Variants in MALRD1 observed in about 807,000 individuals in gnomAD.
MALRD1 encodes MAM and LDL receptor class A domain containing 1.
In MALRD1, 247 loss-of-function variants were observed where a neutral mutation model predicts 242.1. That is an observed-to-expected ratio of 1.02 (90% CI 0.92 to 1.13). MALRD1 has a LOEUF of 1.13. MALRD1 is among the 50% of genes most tolerant of loss of function. The probability of loss-of-function intolerance (pLI) is 0.00; values close to 1 mark genes in which losing one functional copy is unlikely to be tolerated. For missense variants in MALRD1, 2,989 were observed against 2,533.1 expected, an observed-to-expected ratio of 1.18 and a Z score of -3.86; for synonymous variants, 995 against 866.6, an observed-to-expected ratio of 1.15 and a Z score of -2.60.
intron 16 of MALRD1, 29 bp downstream of exon 16, chr10:19,204,442 A>G: frequency 7.0e-7 from 1 of 1,438,128 alleles, no homozygotes; most frequent in East Asian, 2.5e-5. Context: ...TTTAAACAAT[A>G]TTAAACAGTT....
At chr10:19,547,860 G>A (rs577322115) in intron 32 of MALRD1, among the ~76,000 whole-genome samples, 82 of 89,948 alleles carry the variant, frequency 9.1e-4, no homozygotes, top group African/African-American at 2.7e-3. Flanking sequence ...ACAAATTGAA[G>A]GTTTGTAACA....
At chr10:19,312,406 A>G (rs199707632) in intron 21 of MALRD1, among the ~76,000 whole-genome samples, 10 of 130,630 alleles carry the variant, frequency 7.7e-5, no homozygotes, top group African/African-American at 2.6e-4. Flanking sequence ...ATATATGTGT[A>G]TATGTGTGTG....
At chr10:19,506,039 T>A (rs1434508869) in intron 31 of MALRD1, among the ~76,000 whole-genome samples, 1 of 152,190 alleles carries the variant, frequency 6.6e-6, no homozygotes, top group Non-Finnish European at 1.5e-5. Context: ...TTTTTAAGAA[T>A]TCTGCGTGGG....
At position 19,457,224 on chromosome 10, in the gene MALRD1, A is replaced by G. The variant is rs552037898; in HGVS notation, c.5029+6734A>G. ...GCCATATGTAGCCATAACATCATAG[A>G]ATACTACTAAAACAGTGATAAACAA... On this transcript the variant is annotated intron_variant, in intron 29 of 39. Transcript: ENST00000454679. Among the ~76,000 whole-genome samples, 27 of 152,272 alleles carry G rather than the reference A, an allele frequency of 1.8e-4. No individual in the cohort carries two copies. The South Asian group carries it at 5.0e-3, about 28-fold the overall frequency.
Position 19,204,994 on chromosome 10 carries a change from T to A in MALRD1, c.2307T>A (p.Asn769Lys). ...DSTVIWRVLYNQGKQWLEATI... is the reference protein window; with the variant it reads ...DSTVIWRVLYKQGKQWLEATI... ...CAGTGATTTGGAGAGTATTATACAATCAGGGCAAACAATGGTTGGAGGCAA... is the reference window on the plus strand; with the variant it reads ...CAGTGATTTGGAGAGTATTATACAAACAGGGCAAACAATGGTTGGAGGCAA... The change falls in exon 17 of 40, where the codon AAT becomes AAA. Residue 769 changes from asparagine (N) to lysine (K), a missense_variant. By Grantham distance (94) the Asn-to-Lys change is moderately conservative. Coordinates refer to ENST00000454679, the MANE Select transcript of MALRD1 (RefSeq NM_001142308.3). 2 of 1,550,832 alleles carry A rather than the reference T, an allele frequency of 1.3e-6. No individual in the cohort carries two copies. Among genetic ancestry groups the A allele is most frequent in the African/African-American group, 1.4e-5 (1 of 73,152 alleles).
At chr10:19,539,855 TGC>T (rs200508029) in intron 32 of MALRD1, among the ~76,000 whole-genome samples, 6,851 of 87,324 alleles carry the variant, frequency 0.078, 297 homozygotes, top group East Asian at 0.11. Context: ...CCCAGCTTTG[TGC>T]GTGTGTGTGT....
At chr10:19,338,872 TACAC>T (rs149133712) in intron 24 of MALRD1, among the ~76,000 whole-genome samples, 8 of 149,276 alleles carry the variant, frequency 5.4e-5, no homozygotes, top group East Asian at 1.9e-4. Flanking sequence ...TATATATATA[TACAC>T]ACACACACGC....
chr10:19,394,316 C>G (rs932760168), intron 28 of MALRD1, among the ~76,000 whole-genome samples: 22 of 152,114 alleles, frequency 1.4e-4, no homozygotes, highest in African/African-American at 5.3e-4. Flanking sequence ...TGCCTCAGCT[C>G]ACATGGTATT....
chr10:19,205,303 T>G, intron 17 of MALRD1, 38 bp downstream of exon 17: 1 of 1,498,892 alleles, frequency 6.7e-7, no homozygotes. Flanking sequence ...CTTTCTCATT[T>G]TGAAAGTGTT....
At chr10:19,658,960 A>G (rs1841296119) in intron 36 of MALRD1, among the ~76,000 whole-genome samples, 1 of 152,244 alleles carries the variant, frequency 6.6e-6, no homozygotes, top group African/African-American at 2.4e-5. Context: ...TTTACTTTGG[A>G]AAACAAATGG....
rs12262909 is a variant in MALRD1, at chr10:19,146,440, A to G, written c.1558+96A>G. On this transcript the variant is annotated intron_variant, in intron 11 of 39. Coordinates refer to ENST00000454679, the MANE Select transcript of MALRD1 (RefSeq NM_001142308.3). ...TTTTCATTTCTATTCTGTAGACTGT[A>G]TACATGGAACTCTGGTTTGTCTTGC... 2,171 of 1,068,030 alleles carry G rather than the reference A, an allele frequency of 2.0e-3. 38 individuals carry two copies. The African/African-American group carries it at 0.031, about 15-fold the overall frequency. The allele number at this position is 1,068,030 out of a possible 1,614,324, so 66.2% of individuals were successfully genotyped here.
chr10:19,381,016 G>A (rs887393717), intron 26 of MALRD1, among the ~76,000 whole-genome samples: 57 of 147,966 alleles, frequency 3.9e-4, no homozygotes, highest in African/African-American at 1.4e-3. Flanking sequence ...CCACTAAATC[G>A]TCATCTAGCA....
intron 31 of MALRD1, among the ~76,000 whole-genome samples, chr10:19,509,217 G>C (rs987780259): frequency 1.3e-5 from 2 of 152,138 alleles, no homozygotes; most frequent in African/African-American, 4.8e-5. Flanking sequence ...GCAATACTCA[G>C]AACCAAAAGT....
At chr10:19,447,446 AT>A (rs988458917) in intron 28 of MALRD1, among the ~76,000 whole-genome samples, 41 of 150,880 alleles carry the variant, frequency 2.7e-4, no homozygotes, top group African/African-American at 7.3e-4. Flanking sequence ...TAATTTACCC[AT>A]TTTTTTTTCT....
At chr10:19,696,537 T>C (rs937140067) in intron 38 of MALRD1, among the ~76,000 whole-genome samples, 3 of 152,114 alleles carry the variant, frequency 2.0e-5, no homozygotes, top group African/African-American at 7.2e-5. Context: ...ACAGCTATCT[T>C]GATAACAGCA....
intron 28 of MALRD1, among the ~76,000 whole-genome samples, chr10:19,398,404 C>A (rs896599758): frequency 6.6e-6 from 1 of 151,992 alleles, no homozygotes. Context: ...ATATGTTAAA[C>A]AAGAAGACTT....
At chr10:19,504,567 A>T (rs1438063372) in intron 31 of MALRD1, among the ~76,000 whole-genome samples, 3 of 152,002 alleles carry the variant, frequency 2.0e-5, no homozygotes, top group African/African-American at 7.3e-5. Context: ...ATATGCACTC[A>T]AACATACACA....
chr10:19,300,086 G>A (rs1841878376), intron 21 of MALRD1, among the ~76,000 whole-genome samples: 1 of 151,902 alleles, frequency 6.6e-6, no homozygotes, highest in South Asian at 2.1e-4. Context: ...CATCCAAGCT[G>A]AGAGTCAAAT....
At chr10:19,602,482 G>A (rs1282261471) in intron 34 of MALRD1, among the ~76,000 whole-genome samples, 1 of 151,486 alleles carries the variant, frequency 6.6e-6, no homozygotes, top group African/African-American at 2.4e-5. Flanking sequence ...TGCTGAGAAT[G>A]ATGATTTCCA....
Sources: gnomAD v4.1 joint callset for allele counts (sites outside exome capture counted in the v4.1 genomes callset) on GRCh38, gnomAD v4.1.1 for gene constraint, MANE v1.5 for transcripts, NCBI Gene and HGNC (gene_info 2026-07-23, HGNC 2026-07-21) for gene names.